The following SPMIP5 variants were observed in gnomAD, a reference collection of about 807,000 sequenced individuals.
SPMIP5 encodes sperm-associated microtubule inner protein 5.
At chr10:116,668,783 T>A in the SPMIP5 span, among the ~76,000 whole-genome samples, 1 of 152,020 alleles carries the variant, frequency 6.6e-6, no homozygotes, top group East Asian at 1.9e-4. Context: ...GAAATCAGGT[T>A]GCAGTGGTGA....
At chr10:116,664,576 G>A in the SPMIP5 span, 3 of 1,192,608 alleles carry the variant, frequency 2.5e-6, no homozygotes, top group East Asian at 8.0e-5. Flanking sequence ...CTGAGCACAG[G>A]TTGGGAGCAG....
the SPMIP5 span, among the ~76,000 whole-genome samples, chr10:116,667,891 G>C: frequency 6.6e-6 from 1 of 152,202 alleles, no homozygotes; most frequent in African/African-American, 2.4e-5. Context: ...AATAACCTTT[G>C]TGGAGGACTT....
the SPMIP5 span, among the ~76,000 whole-genome samples, chr10:116,669,612 T>C: frequency 0.25 from 38,666 of 152,114 alleles, 5,027 homozygotes; most frequent in South Asian, 0.31. Context: ...GCATTCTCCT[T>C]TAATCCCCAC....
At chr10:116,667,287 G>C in the SPMIP5 span, among the ~76,000 whole-genome samples, 2 of 152,214 alleles carry the variant, frequency 1.3e-5, no homozygotes, top group Non-Finnish European at 2.9e-5. Context: ...CCTTCAGAAA[G>C]AGCATGGCCC....
the SPMIP5 span, chr10:116,665,040 G>A: frequency 6.6e-7 from 1 of 1,521,068 alleles, no homozygotes; most frequent in Non-Finnish European, 8.7e-7. Flanking sequence ...ACTTGCCTAG[G>A]GTCTCCTAGT....
chr10:116,666,456 T>C, the SPMIP5 span, among the ~76,000 whole-genome samples: 1 of 34,780 alleles, frequency 2.9e-5, no homozygotes, highest in Admixed American at 2.4e-4. Context: ...AATAAAACCA[T>C]TTTTTTTTTT....
At chr10:116,662,667 G>C in the SPMIP5 span, among the ~76,000 whole-genome samples, 1 of 152,122 alleles carries the variant, frequency 6.6e-6, no homozygotes, top group African/African-American at 2.4e-5. Flanking sequence ...TTCTGCATAC[G>C]GGTGGTTGCT....
At chr10:116,662,584 T>C in the SPMIP5 span, among the ~76,000 whole-genome samples, 3 of 152,196 alleles carry the variant, frequency 2.0e-5, no homozygotes, top group Admixed American at 2.0e-4. Context: ...GAGGCCCAGC[T>C]TGCTGCCTCG....
chr10:116,664,134 T>A, the SPMIP5 span: 1 of 1,613,956 alleles, frequency 6.2e-7, no homozygotes, highest in Non-Finnish European at 8.5e-7. Flanking sequence ...CATCCCCTTT[T>A]TAAAACGGTA....
chr10:116,663,851 T>C, the SPMIP5 span: 2 of 1,472,066 alleles, frequency 1.4e-6, no homozygotes, highest in Non-Finnish European at 1.8e-6. Flanking sequence ...AACATGAGAA[T>C]GGCAGGTTTT....
At chr10:116,665,841 T>C in the SPMIP5 span, 1 of 1,597,714 alleles carries the variant, frequency 6.3e-7, no homozygotes. Context: ...AAGAGCCGAA[T>C]GGAATCACAG....
chr10:116,664,128 C>A, the SPMIP5 span: 6 of 1,613,918 alleles, frequency 3.7e-6, no homozygotes, highest in Non-Finnish European at 4.2e-6. Context: ...ACATTTCATC[C>A]CCTTTTTAAA....
chr10:116,668,959 A>ACACACACACT, the SPMIP5 span, among the ~76,000 whole-genome samples: 8 of 151,724 alleles, frequency 5.3e-5, no homozygotes, highest in Admixed American at 5.3e-4. Context: ...ACACACACAC[A>ACACACACACT]CACACACACA....
chr10:116,665,515 G>A, the SPMIP5 span: 99 of 1,154,366 alleles, frequency 8.6e-5, 1 homozygote, highest in South Asian at 8.5e-4. Context: ...GGAACGGTGC[G>A]GGATTCTGGG....
At chr10:116,668,181 A>G in the SPMIP5 span, 5 of 1,393,366 alleles carry the variant, frequency 3.6e-6, no homozygotes, top group African/African-American at 7.3e-5. Flanking sequence ...AGACACAGAC[A>G]GTGGGTCAAG....
the SPMIP5 span, chr10:116,664,608 A>C: frequency 2.1e-6 from 3 of 1,400,882 alleles, no homozygotes; most frequent in South Asian, 4.7e-5. Context: ...CTACTGGGGA[A>C]GCCCTGAAAC....
At chr10:116,665,416 A>G in the SPMIP5 span, 33 of 568,624 alleles carry the variant, frequency 5.8e-5, no homozygotes, top group African/African-American at 3.8e-4. Context: ...AAAAAAAAAA[A>G]AAAAAGAAAA....
At chr10:116,664,662 T>G in the SPMIP5 span, 4 of 1,536,036 alleles carry the variant, frequency 2.6e-6, no homozygotes, top group Non-Finnish European at 3.5e-6. Context: ...ACACAAATAG[T>G]CCTAGTGCTG....
the SPMIP5 span, chr10:116,664,346 C>T: frequency 5.6e-6 from 6 of 1,069,634 alleles, no homozygotes; most frequent in Non-Finnish European, 7.9e-6. Flanking sequence ...GAATAAAATA[C>T]AATACATAAA....
Sources: allele counts gnomAD v4.1 joint callset (sites outside exome capture counted in the v4.1 genomes callset), GRCh38; gene constraint gnomAD v4.1.1; transcripts MANE v1.5; gene names NCBI Gene and HGNC (gene_info 2026-07-23, HGNC 2026-07-21).